Variants in PTCRA observed in about 807,000 individuals in gnomAD.
PTCRA encodes the protein pre T cell antigen receptor alpha.
PTCRA carries 9 observed loss-of-function variants against 13.4 expected under a neutral mutation model. The ratio of observed to expected loss-of-function variants is 0.67; its 90% CI spans 0.41 to 1.18. The LOEUF (loss-of-function observed/expected upper bound fraction) is 1.18. Ranked by LOEUF, PTCRA falls within the 50% of genes most tolerant of loss-of-function variation. The probability of loss-of-function intolerance (pLI) is 0.01; values close to 1 mark genes in which losing one functional copy is unlikely to be tolerated. For missense variants in PTCRA, 353 were observed against 359.8 expected (o/e 0.98, Z 0.15); for synonymous variants, 153 against 161.9 (o/e 0.94, Z 0.42).
chr6:42,924,985 A>G (rs1767355392), intron 3 of PTCRA, among the ~76,000 whole-genome samples: 1 of 151,242 alleles, frequency 6.6e-6, no homozygotes, highest in Non-Finnish European at 1.5e-5. Flanking sequence ...AAAAAAAAAG[A>G]ATTTTGAGCT....
Position 42,925,663 on chromosome 6 carries a change from T to C in PTCRA, c.827T>C (p.Leu276Pro). Residue 276 changes from leucine (L) to proline (P), a missense_variant, in exon 4 of 4, where the codon CTG becomes CCG. Coordinates refer to ENST00000304672, the MANE Select transcript of PTCRA (RefSeq NM_138296.3). The surrounding 1 kb of genome is among the most constrained non-coding windows in gnomAD (Gnocchi z 4.4). Reference sequence around the variant, plus strand: ...TTTGCAGGTGACCTGCCTCCTCCTCTGCAGGCTGGAGCTGCCTGAGGGCAG... The same window carrying C: ...TTTGCAGGTGACCTGCCTCCTCCTCCGCAGGCTGGAGCTGCCTGAGGGCAG... ...AFFAGDLPPP[L>P]QAGAA is the part of the protein sequence containing the mutation. 2.6e-6 allele frequency: 4 copies of C among 1,537,584 alleles called. No individual in the cohort carries two copies. Among genetic ancestry groups the C allele is most frequent in the Non-Finnish European group, 3.5e-6 (4 of 1,142,094 alleles).
At chr6:42,917,730 A>G (rs1218562435) in intron 1 of PTCRA, among the ~76,000 whole-genome samples, 1 of 149,424 alleles carries the variant, frequency 6.7e-6, no homozygotes, top group Non-Finnish European at 1.5e-5. Flanking sequence ...TTGTATTTTT[A>G]GTGGAAACAG....
At chr6:42,916,172 C>G (rs1425773349) in intron 1 of PTCRA, 45 bp downstream of exon 1, 10 of 1,582,866 alleles carry the variant, frequency 6.3e-6, no homozygotes, top group Non-Finnish European at 8.7e-6. Context: ...CTCAGTCTGC[C>G]GAAGCCCATC....
At position 42,924,286 on chromosome 6, in the gene PTCRA, G is replaced by C; in HGVS notation, c.424+13G>C. ...GAGCCTCTCAGGGGTGAGTACTCCG[G>C]GCAAGGGGTGGGGAATAAGAGGCTG... On this transcript the variant is annotated intron_variant, in intron 3 of 3. Transcript: ENST00000304672. 6.2e-7 allele frequency: 1 copy of C among 1,612,022 alleles called. No homozygotes were observed.
intron 1 of PTCRA, among the ~76,000 whole-genome samples, chr6:42,921,718 CA>C (rs1363811935): frequency 4.1e-5 from 4 of 98,146 alleles, no homozygotes; most frequent in African/African-American, 1.6e-4. Context: ...GCCCGGCCAA[CA>C]AAGCTTTTTT....
chr6:42,916,458 T>C (rs765421652), intron 1 of PTCRA, among the ~76,000 whole-genome samples: 8 of 152,138 alleles, frequency 5.3e-5, no homozygotes, highest in Non-Finnish European at 1.0e-4. Flanking sequence ...TGGACATCCA[T>C]AGAAGGTGGG....
At position 42,919,982 on chromosome 6, in the gene PTCRA, A is replaced by C. The variant is rs1468376991; in HGVS notation, c.59-3045A>C. Among the ~76,000 whole-genome samples, 10 of 150,766 alleles carry C rather than the reference A, an allele frequency of 6.6e-5. 1 individual carries two copies. The highest frequency in any genetic ancestry group is 2.0e-4 in the African/African-American group (8 of 40,892). ...GGCTCCAGTGAACTGTGATCACACC[A>C]TTGCAGTCCAGCCTGGATGACAGAG... On this transcript the variant is annotated intron_variant, in intron 1 of 3. Coordinates refer to ENST00000304672, the MANE Select transcript of PTCRA (RefSeq NM_138296.3).
chr6:42,918,160 G>T (rs1766966125), intron 1 of PTCRA, among the ~76,000 whole-genome samples: 1 of 151,688 alleles, frequency 6.6e-6, no homozygotes, highest in African/African-American at 2.4e-5. Flanking sequence ...GGATGCTGAG[G>T]CAGGAGAATT....
At position 42,917,225 on chromosome 6, in the gene PTCRA, ATTAT is replaced by A. The variant is rs1279305172; in HGVS notation, c.58+1100_58+1103del. 2.9e-3 allele frequency among the ~76,000 whole-genome samples: 383 copies of A among 131,246 alleles called. 2 individuals are homozygous for A. The highest frequency in any genetic ancestry group is 0.012 in the African/African-American group (364 of 31,332). The allele number at this position is 131,246 out of a possible 152,430, so 86.1% of individuals were successfully genotyped here. ...TATTATTATTATTATTATTATTATT[ATTAT>A]TATTTATTTTTGAGACAGAGTCTCG... On this transcript the variant is annotated intron_variant, in intron 1 of 3. Coordinates refer to ENST00000304672, the MANE Select transcript of PTCRA (RefSeq NM_138296.3).
intron 1 of PTCRA, chr6:42,922,218 G>A (rs1029767420): frequency 8.5e-6 from 6 of 702,498 alleles, no homozygotes; most frequent in Non-Finnish European, 1.6e-5. Context: ...CTCATTCCAG[G>A]TCCTGTTTCC....
chr6:42,921,589 T>C (rs1191321887), intron 1 of PTCRA, among the ~76,000 whole-genome samples: 2 of 150,712 alleles, frequency 1.3e-5, no homozygotes, highest in Non-Finnish European at 3.0e-5. Context: ...ACCTAATTTT[T>C]GTATTTTTAG....
At chr6:42,920,970 T>C (rs1767127598) in intron 1 of PTCRA, among the ~76,000 whole-genome samples, 1 of 152,002 alleles carries the variant, frequency 6.6e-6, no homozygotes, top group African/African-American at 2.4e-5. Context: ...AATTTTTTTG[T>C]ATTTTTAGTA....
At chr6:42,916,207 A>G (rs1766870369) in intron 1 of PTCRA, 80 bp downstream of exon 1, 2 of 1,348,798 alleles carry the variant, frequency 1.5e-6, no homozygotes, top group Middle Eastern at 1.8e-4. Flanking sequence ...CTCCCTGGGT[A>G]CTGATGGGCT....
intron 1 of PTCRA, among the ~76,000 whole-genome samples, chr6:42,921,655 A>G (rs1288417321): frequency 6.9e-6 from 1 of 144,384 alleles, no homozygotes; most frequent in African/African-American, 2.6e-5. Context: ...TGACCTCGTG[A>G]TCTGCCCACC....
chr6:42,916,148 C>T, intron 1 of PTCRA, 21 bp downstream of exon 1: 1 of 1,610,928 alleles, frequency 6.2e-7, no homozygotes, highest in East Asian at 2.2e-5. Flanking sequence ...TCTTTGCCTT[C>T]CTCTCTGTCC....
chr6:42,920,312 T>A (rs1767092415), intron 1 of PTCRA, among the ~76,000 whole-genome samples: 2 of 151,086 alleles, frequency 1.3e-5, no homozygotes, highest in Admixed American at 6.6e-5. Flanking sequence ...AGAGAGAGAC[T>A]CCGTCTCAAA....
intron 2 of PTCRA, among the ~76,000 whole-genome samples, chr6:42,923,573 C>T (rs6936722): frequency 0.27 from 41,098 of 152,150 alleles, 5,912 homozygotes; most frequent in African/African-American, 0.35. Flanking sequence ...TGCAGCATGG[C>T]TTCCAAGGAT....
Position 42,924,254 on chromosome 6 carries a change from C to A in PTCRA, c.405C>A (p.Cys135Ter). The A allele has an allele frequency of 6.2e-7, 1 of 1,611,662 alleles. No individual in the cohort carries two copies. Among genetic ancestry groups the A allele is most frequent in the Non-Finnish European group, 8.5e-7 (1 of 1,179,100 alleles). The change falls in exon 3 of 4, where the codon TGC becomes TGA. Residue 135 changes from cysteine (C) to a stop codon, truncating the protein, a stop_gained. Coordinates refer to ENST00000304672, the MANE Select transcript of PTCRA (RefSeq NM_138296.3). LOFTEE classifies it low-confidence loss of function (END_TRUNC). ...LSGEASTART[C>*]PQEPLRGTPG... ...GAGAGGCTTCTACAGCCAGGACCTGCCCCCAGGAGCCTCTCAGGGGTGAGT... is the reference window on the plus strand; with the variant it reads ...GAGAGGCTTCTACAGCCAGGACCTGACCCCAGGAGCCTCTCAGGGGTGAGT...
intron 1 of PTCRA, among the ~76,000 whole-genome samples, chr6:42,921,391 C>T (rs922760044): frequency 3.3e-5 from 5 of 149,430 alleles, no homozygotes; most frequent in Non-Finnish European, 5.9e-5. Context: ...CGTGAGCCAC[C>T]GCACCCAGCC....
Sources: gnomAD v4.1 joint callset for allele counts (sites outside exome capture counted in the v4.1 genomes callset) on GRCh38, gnomAD v4.1.1 for gene constraint, Gnocchi (gnomAD v3.1) non-coding constraint, MANE v1.5 for transcripts, NCBI Gene and HGNC (gene_info 2026-07-23, HGNC 2026-07-21) for gene names.